MED14: variants seen among roughly 807,000 people sequenced by gnomAD.
The protein encoded by MED14 is mediator complex subunit 14.
In MED14, 8 loss-of-function variants were observed where a neutral mutation model predicts 109.0. The ratio of observed to expected loss-of-function variants is 0.07; its 90% CI spans 0.04 to 0.13. MED14 has a LOEUF of 0.13. Ranked by LOEUF, MED14 falls within the 10% of genes least tolerant of loss-of-function variation. The pLI is 1.00. For synonymous variants in MED14, 399 were observed against 408.7 expected (o/e 0.98, Z 0.29); for missense variants, 711 against 1,142.4 (o/e 0.62, Z 5.44).
At chrX:40,653,004 A>G (rs1453534440) in intron 30 of MED14, among the ~76,000 whole-genome samples, 1 of 112,278 alleles carries the variant, frequency 8.9e-6, no homozygotes. Context: ...AACACTTCCA[A>G]AATATCTCAA....
intron 1 of MED14, among the ~76,000 whole-genome samples, chrX:40,731,917 G>A (rs1932091588): frequency 8.9e-6 from 1 of 112,271 alleles, no homozygotes; most frequent in African/African-American, 3.2e-5. Context: ...CTGTGTGCCA[G>A]GCATTGTTCT....
intron 3 of MED14, among the ~76,000 whole-genome samples, chrX:40,717,511 G>T (rs983544541): frequency 2.3e-4 from 23 of 101,014 alleles, no homozygotes; most frequent in Admixed American, 2.1e-3. Flanking sequence ...TGGTTTTTTT[G>T]TTGTTGTTGT....
At chrX:40,714,759 T>C (rs776174540) in intron 3 of MED14, 49 bp from the exon 4 acceptor site, 1 of 1,041,377 alleles carries the variant, frequency 9.6e-7, no homozygotes, top group Non-Finnish European at 1.3e-6. Context: ...AACTATCTCC[T>C]TTTCACACTA....
intron 16 of MED14, among the ~76,000 whole-genome samples, chrX:40,686,607 C>G (rs1189931724): frequency 2.7e-5 from 3 of 111,654 alleles, no homozygotes; most frequent in Non-Finnish European, 5.6e-5. Context: ...AAAGTGAGCA[C>G]TAATGACACA....
chrX:40,735,281 C>A lies in MED14; in HGVS notation c.132G>T (p.Ala44=), dbSNP rs1046865635. The A allele has an allele frequency of 1.1e-5, 13 of 1,138,855 alleles. No homozygotes were observed. The East Asian group carries it at 4.3e-4, about 38-fold the overall frequency. 93.9% of individuals were successfully genotyped at this position (1,138,855 alleles called of 1,213,427 possible). Residue 44 remains alanine (A), a synonymous_variant, in exon 1 of 31, where the codon GCG becomes GCT. Transcript: ENST00000324817. ...TGCTCAGCCGGTAGCCCGGGCTAGC[C>A]GCAGCTGCAGCGGCCGCCGCCACGG... ...GAAVAAAAAA[A]ASPGYRLSTL...
chrX:40,688,360 G>C (rs1930372562), intron 16 of MED14, 94 bp downstream of exon 16: 1 of 629,774 alleles, frequency 1.6e-6, no homozygotes, highest in Admixed American at 2.5e-5. Context: ...CACAGGTTCT[G>C]AACACTGCTT....
At chrX:40,670,761 C>T (rs1414309139) in intron 23 of MED14, among the ~76,000 whole-genome samples, 1 of 78,291 alleles carries the variant, frequency 1.3e-5, no homozygotes, top group Non-Finnish European at 2.7e-5. Context: ...GAGCGAGACT[C>T]TGTCTCAAAA....
chrX:40,698,206 C>A (rs1034274024), intron 12 of MED14, among the ~76,000 whole-genome samples: 2 of 112,142 alleles, frequency 1.8e-5, no homozygotes, highest in African/African-American at 3.2e-5. Context: ...AATGATTTCT[C>A]TAGTATGTAT....
chrX:40,651,041 A>C lies in MED14; in HGVS notation c.*765T>G. On this transcript the variant is annotated 3_prime_UTR_variant, in exon 31 of 31. Coordinates refer to ENST00000324817, the MANE Select transcript of MED14 (RefSeq NM_004229.4). ...TCAAAGACTAAGTTCCTTATTTTTC[A>C]CCCAAATCCTATATATTGAAAGACA... is the stretch of plus-strand genomic sequence containing the variant. 1 of 753,861 alleles carries C rather than the reference A, an allele frequency of 1.3e-6. No individual in the cohort carries two copies. Among genetic ancestry groups the C allele is most frequent in the Non-Finnish European group, 1.6e-6 (1 of 638,859 alleles). The allele number at this position is 753,861 out of a possible 1,213,427, so 62.1% of individuals were successfully genotyped here.
At chrX:40,718,998 A>T (rs1931631901) in intron 3 of MED14, among the ~76,000 whole-genome samples, 1 of 112,194 alleles carries the variant, frequency 8.9e-6, no homozygotes, top group African/African-American at 3.2e-5. Flanking sequence ...AGAATTTAAC[A>T]CCAAATAAAT....
intron 1 of MED14, among the ~76,000 whole-genome samples, chrX:40,730,527 G>C (rs1305295615): frequency 9.0e-6 from 1 of 111,039 alleles, no homozygotes; most frequent in Non-Finnish European, 1.9e-5. Flanking sequence ...CAGAGTTTCT[G>C]GGGGTAGAAA....
intron 28 of MED14, 76 bp downstream of exon 28, chrX:40,659,151 A>C: frequency 1.7e-6 from 1 of 602,648 alleles, no homozygotes; most frequent in East Asian, 3.9e-5. Context: ...ATGGGTGAAA[A>C]CCAATAAACA....
intron 30 of MED14, 147 bp from the exon 31 acceptor site, chrX:40,652,026 G>T: frequency 3.4e-6 from 2 of 589,393 alleles, no homozygotes; most frequent in Non-Finnish European, 4.9e-6. Flanking sequence ...GATTATTGGG[G>T]ATTAAGCTGT....
At chrX:40,711,472 A>T (rs964622695) in intron 7 of MED14, among the ~76,000 whole-genome samples, 171 bp from the exon 8 acceptor site, 1 of 112,102 alleles carries the variant, frequency 8.9e-6, no homozygotes, top group African/African-American at 3.2e-5. Context: ...ATTATAATTT[A>T]TAGCATAATT....
Position 40,682,890 on chromosome X carries a change from C to T in MED14, c.2164G>A (p.Ala722Thr). 2.5e-6 allele frequency: 3 copies of T among 1,211,733 alleles called. No homozygotes were observed. Among genetic ancestry groups the T allele is most frequent in the Non-Finnish European group, 3.4e-6 (3 of 895,228 alleles). Reference sequence around the variant, plus strand: ...GGACAATTTGCAAACACTAACTCTGCTACCCAAGTGCGGTTATTTCTACCT... The same window carrying T: ...GGACAATTTGCAAACACTAACTCTGTTACCCAAGTGCGGTTATTTCTACCT... ...LQGRNNRTWV[A>T]ELVFANCPLN... Residue 722 changes from alanine (A) to threonine (T), a missense_variant, in exon 17 of 31, where the codon GCA becomes ACA. Ala to Thr is a moderately conservative substitution (Grantham distance 58, BLOSUM62 0). This residue lies in a region of MED14 where 388 missense variants were observed against 517.3 expected (regional missense o/e 0.75). Transcript: ENST00000324817.
At position 40,648,908 on chromosome X, in the gene MED14, T is replaced by C. The variant is rs1372318608; in HGVS notation, c.*2898A>G. 1 of 111,578 alleles carries C rather than the reference T, an allele frequency of 9.0e-6. No individual in the cohort carries two copies. Among genetic ancestry groups the C allele is most frequent in the African/African-American group, 3.3e-5 (1 of 30,614 alleles). The allele number at this position is 111,578 out of a possible 1,213,427, so 9.2% of individuals were successfully genotyped here. ...ACATCCTTAGACACACTGTCCATTC[T>C]CAAACCGAATGAAAAAAAAATTCCA... On this transcript the variant is annotated 3_prime_UTR_variant, in exon 31 of 31. Coordinates refer to ENST00000324817, the MANE Select transcript of MED14 (RefSeq NM_004229.4).
chrX:40,729,594 T>A (rs2146747248), intron 1 of MED14: 3 of 344,168 alleles, frequency 8.7e-6, no homozygotes, highest in Non-Finnish European at 1.5e-5. Flanking sequence ...TGCATGAACC[T>A]TAAACATTTA....
At chrX:40,694,210 T>C (rs1183164592) in intron 13 of MED14, among the ~76,000 whole-genome samples, 1 of 111,434 alleles carries the variant, frequency 9.0e-6, no homozygotes, top group Admixed American at 9.5e-5. Context: ...ATCTTTATTT[T>C]TGTGATGAGG....
chrX:40,717,461 G>A (rs1170472845), intron 3 of MED14, among the ~76,000 whole-genome samples: 1 of 111,160 alleles, frequency 9.0e-6, no homozygotes, highest in Non-Finnish European at 1.9e-5. Context: ...TCATCACAGA[G>A]CTAAAAACTA....
Sources: gnomAD v4.1 joint callset for allele counts (sites outside exome capture counted in the v4.1 genomes callset) on GRCh38, gnomAD v4.1.1 for gene constraint, gnomAD v4.1.1 regional missense constraint, MANE v1.5 for transcripts, NCBI Gene and HGNC (gene_info 2026-07-23, HGNC 2026-07-21) for gene names.